Variants in APH1B observed in about 807,000 individuals in gnomAD.
APH1B encodes gamma-secretase subunit APH-1B.
Under a neutral mutation model 28.2 loss-of-function variants are expected in APH1B, and 27 were observed. That is an observed-to-expected ratio of 0.96 (90% confidence interval 0.70 to 1.32). The LOEUF is 1.32. APH1B is among the 40% of genes most tolerant of loss of function. The probability of loss-of-function intolerance (pLI) is 0.00; values close to 1 mark genes in which losing one functional copy is unlikely to be tolerated. For missense variants in APH1B, 305 were observed against 313.6 expected (o/e 0.97, Z 0.21); for synonymous variants, 141 against 124.6 (o/e 1.13, Z -0.88).
chr15:63,299,149 T>C (rs1214691545), intron 4 of APH1B, among the ~76,000 whole-genome samples: 4 of 152,212 alleles, frequency 2.6e-5, no homozygotes, highest in Admixed American at 2.0e-4. Flanking sequence ...GTAGAGAACA[T>C]GGTGTCAAGG....
chr15:63,294,540 C>T (rs909524608), intron 4 of APH1B, among the ~76,000 whole-genome samples: 3 of 152,226 alleles, frequency 2.0e-5, no homozygotes, highest in African/African-American at 7.2e-5. Context: ...CGTCAGGGTT[C>T]CTGCATTGCC....
At chr15:63,302,502 T>G in intron 5 of APH1B, 30 bp downstream of exon 5, 1 of 1,603,988 alleles carries the variant, frequency 6.2e-7, no homozygotes. Flanking sequence ...TCAGACTGTA[T>G]TCTGGAACTC....
At chr15:63,298,275 A>G (rs1178185420) in intron 4 of APH1B, among the ~76,000 whole-genome samples, 1 of 152,154 alleles carries the variant, frequency 6.6e-6, no homozygotes, top group Non-Finnish European at 1.5e-5. Context: ...CAGTGGTGTG[A>G]TGATGGCTCG....
rs534143382 is a variant in APH1B at position 63,306,637 on chromosome 15, T to C, written c.*856T>C. 5 of 152,404 alleles carry C rather than the reference T, an allele frequency of 3.3e-5. No individual in the cohort carries two copies. The highest frequency in any genetic ancestry group is 2.1e-4 in the South Asian group (1 of 4,830). The allele number at this position is 152,404 out of a possible 1,614,324, so 9.4% of individuals were successfully genotyped here. A position where few individuals can be genotyped will look rare whatever the true frequency, so the allele number is the denominator to read the frequency against. ...ATCTGAGTGCCAGTTGCTGGACTAG[T>C]TGAGGTGAAGTGCATTGTTTTCTCT... On this transcript the variant is annotated 3_prime_UTR_variant, in exon 6 of 6. Transcript: ENST00000261879.
rs760251848 is a variant in APH1B, at chr15:63,277,687, G to C, written c.64G>C (p.Val22Leu). The C allele has an allele frequency of 8.1e-6, 13 of 1,611,684 alleles. No homozygotes were observed. The highest frequency in any genetic ancestry group is 1.0e-5 in the Non-Finnish European group (12 of 1,179,000). The change falls in exon 1 of 6, where the codon GTC (valine) becomes CTC (leucine). Residue 22 changes from valine (V) to leucine (L), a missense_variant. Coordinates refer to ENST00000261879, the MANE Select transcript of APH1B (RefSeq NM_031301.4). ...IAFGPALALY[V>L]FTIATEPLRI... is the part of the protein sequence containing the mutation. Reference sequence around the variant, plus strand: ...CTTCGGGCCTGCGCTCGCCCTTTATGTCTTCACCATCGCCACCGAGCCGTT... The same window carrying C: ...CTTCGGGCCTGCGCTCGCCCTTTATCTCTTCACCATCGCCACCGAGCCGTT...
intron 4 of APH1B, among the ~76,000 whole-genome samples, chr15:63,299,458 G>A (rs2038601413): frequency 6.6e-6 from 1 of 152,144 alleles, no homozygotes; most frequent in Non-Finnish European, 1.5e-5. Flanking sequence ...AGGCTGGAGT[G>A]CAGTGGCACT....
chr15:63,298,657 C>T (rs1399201465), intron 4 of APH1B, among the ~76,000 whole-genome samples: 6 of 152,150 alleles, frequency 3.9e-5, no homozygotes, highest in East Asian at 3.8e-4. Context: ...CCATAGCACA[C>T]GGTAGCTACC....
In APH1B at chr15:63,309,066, T is replaced by C. The variant is rs2038716102; in HGVS notation, c.*3285T>C. The C allele has an allele frequency of 6.6e-6, 1 of 152,182 alleles. No individual in the cohort carries two copies. Among genetic ancestry groups the C allele is most frequent in the South Asian group, 2.1e-4 (1 of 4,828 alleles). The allele number at this position is 152,182 out of a possible 1,614,324, so 9.4% of individuals were successfully genotyped here. ...ACCTTGCATTCAATATACAATGCAA[T>C]TGACTCTTTGCAGACCTGCATTTTT... On this transcript the variant is annotated 3_prime_UTR_variant, in exon 6 of 6. Coordinates refer to ENST00000261879, the MANE Select transcript of APH1B (RefSeq NM_031301.4).
intron 2 of APH1B, among the ~76,000 whole-genome samples, chr15:63,284,701 A>C (rs572818155): frequency 2.0e-5 from 3 of 152,216 alleles, no homozygotes; most frequent in Non-Finnish European, 4.4e-5. Flanking sequence ...AAATGTTGCT[A>C]TGCAACAGAT....
At position 63,302,576 on chromosome 15, in the gene APH1B, G is replaced by A. The variant is rs59829037; in HGVS notation, c.606+104G>A. On this transcript the variant is annotated intron_variant, in intron 5 of 5. Coordinates refer to ENST00000261879, the MANE Select transcript of APH1B (RefSeq NM_031301.4). Reference sequence around the variant, plus strand: ...GAAATACACGCTCATGAGAACATGAGGAAATTCAGAAAAGCTATTTAAGTG... The same window carrying A: ...GAAATACACGCTCATGAGAACATGAAGAAATTCAGAAAAGCTATTTAAGTG... 3.2e-3 allele frequency: 4,495 copies of A among 1,420,882 alleles called. 114 individuals are homozygous for A. The African/African-American group carries it at 0.054, about 17-fold the overall frequency. The allele number at this position is 1,420,882 out of a possible 1,614,324, so 88.0% of individuals were successfully genotyped here.
At chr15:63,285,937 T>C (rs1020111961) in intron 2 of APH1B, among the ~76,000 whole-genome samples, 1 of 152,238 alleles carries the variant, frequency 6.6e-6, no homozygotes, top group Non-Finnish European at 1.5e-5. Context: ...CAGAAGATCA[T>C]ATGATTAAAT....
chr15:63,284,256 C>T (rs1412939627), intron 2 of APH1B, among the ~76,000 whole-genome samples: 2 of 151,116 alleles, frequency 1.3e-5, no homozygotes, highest in Non-Finnish European at 2.9e-5. Context: ...CTCTGTTGCC[C>T]AGGCTAGAGT....
intron 4 of APH1B, among the ~76,000 whole-genome samples, chr15:63,292,813 A>G (rs749069277): frequency 1.3e-5 from 2 of 152,248 alleles, no homozygotes; most frequent in African/African-American, 2.4e-5. Context: ...AGTCTCTAGT[A>G]GCTTGTGATA....
chr15:63,281,141 A>C (rs2038381878), intron 2 of APH1B, among the ~76,000 whole-genome samples: 1 of 152,098 alleles, frequency 6.6e-6, no homozygotes, highest in Non-Finnish European at 1.5e-5. Context: ...GTCTAAAAAA[A>C]AAACAAACAA....
intron 1 of APH1B, chr15:63,278,023 G>A (rs1332503487): frequency 2.1e-6 from 1 of 470,620 alleles, no homozygotes; most frequent in Non-Finnish European, 3.9e-6. Context: ...GTTCATATAT[G>A]CATCCTTCAT....
Position 63,308,028 on chromosome 15 carries a change from G to T in APH1B, c.*2247G>T, listed in dbSNP as rs2038705001. ...CGCAAATAGCCATGCTTTGCCTTATGCCAAGGAGGCCCAGAGGGAGGGCCT... is the reference window on the plus strand; with the variant it reads ...CGCAAATAGCCATGCTTTGCCTTATTCCAAGGAGGCCCAGAGGGAGGGCCT... On this transcript the variant is annotated 3_prime_UTR_variant, in exon 6 of 6. Transcript: ENST00000261879. 1 of 151,956 alleles carries T rather than the reference G, an allele frequency of 6.6e-6. No homozygotes were observed. Among genetic ancestry groups the T allele is most frequent in the Admixed American group, 6.6e-5 (1 of 15,258 alleles). The allele number at this position is 151,956 out of a possible 1,614,324, so 9.4% of individuals were successfully genotyped here. A position where few individuals can be genotyped will look rare whatever the true frequency, so the allele number is the denominator to read the frequency against.
At chr15:63,290,265 T>C (rs568836115) in intron 4 of APH1B, among the ~76,000 whole-genome samples, 1 of 152,240 alleles carries the variant, frequency 6.6e-6, no homozygotes, top group East Asian at 1.9e-4. Context: ...TATGTATAGG[T>C]TACTTCTTTT....
chr15:63,300,409 C>A (rs922719199), intron 4 of APH1B, among the ~76,000 whole-genome samples: 4 of 152,170 alleles, frequency 2.6e-5, no homozygotes, highest in African/African-American at 4.8e-5. Flanking sequence ...CATCTAGATT[C>A]TGAAAAACCC....
chr15:63,305,781 A>G lies in APH1B; in HGVS notation c.774A>G (p.Ter258=). The change falls in exon 6 of 6, where the codon TAA becomes TAG. Residue 258 remains the stop codon, a stop_retained_variant. Coordinates refer to ENST00000261879, the MANE Select transcript of APH1B (RefSeq NM_031301.4). ...TTCTTTACAACCAGCGCTCCAGATA[A>G]CCTCAGGGAACCAGCACTTCCCAAA... ...NFLLYNQRSR[*] is the part of the protein sequence containing the mutation. 6.2e-7 allele frequency: 1 copy of G among 1,611,834 alleles called. No individual in the cohort carries two copies. The highest frequency in any genetic ancestry group is 1.3e-5 in the African/African-American group (1 of 74,830).
Sources: gnomAD v4.1 joint callset for allele counts (sites outside exome capture counted in the v4.1 genomes callset) on GRCh38, gnomAD v4.1.1 for gene constraint, MANE v1.5 for transcripts, NCBI Gene and HGNC (gene_info 2026-07-23, HGNC 2026-07-21) for gene names.